The following CIT variants were observed in gnomAD, a reference collection of about 807,000 sequenced individuals.
CIT encodes citron rho-interacting serine/threonine kinase.
In CIT, 79 loss-of-function variants were observed where a neutral mutation model predicts 272.7. The observed-to-expected ratio is 0.29, with a 90% CI of 0.24 to 0.35. The LOEUF (loss-of-function observed/expected upper bound fraction) is 0.35. Among genes scored for constraint, CIT ranks in the 10% least tolerant of loss-of-function variants. The pLI is 1.00. For synonymous variants in CIT, 948 were observed against 995.6 expected, an observed-to-expected ratio of 0.95 and a Z score of 0.90; for missense variants, 1,909 against 2,618.3, an observed-to-expected ratio of 0.73 and a Z score of 5.91.
intron 2 of CIT, among the ~76,000 whole-genome samples, 192 bp downstream of exon 2, chr12:119,875,881 T>A (rs1332418745): frequency 1.3e-5 from 2 of 152,034 alleles, no homozygotes; most frequent in Non-Finnish European, 2.9e-5. Context: ...CCAGCTACTC[T>A]GGAGGCTGAG....
chr12:119,845,092 C>A (rs1440170069), intron 5 of CIT, among the ~76,000 whole-genome samples: 1 of 151,982 alleles, frequency 6.6e-6, no homozygotes, highest in African/African-American at 2.4e-5. Context: ...TGAACTCCAG[C>A]CTTGGCAACA....
intron 22 of CIT, among the ~76,000 whole-genome samples, chr12:119,756,455 C>T (rs1254639942): frequency 2.0e-5 from 3 of 152,150 alleles, no homozygotes; most frequent in African/African-American, 7.2e-5. Context: ...AGGATTCGGT[C>T]TGTGGCTAAT....
chr12:119,725,492 CCTTGGGCACATATG>C (rs1958043991), intron 28 of CIT, among the ~76,000 whole-genome samples: 1 of 152,088 alleles, frequency 6.6e-6, no homozygotes, highest in Non-Finnish European at 1.5e-5. Context: ...TAGGTGGAAG[CCTTGGGCACATATG>C]CTTATACAGC....
Position 119,712,566 on chromosome 12 carries a change from C to T in CIT, c.4684+25G>A, listed in dbSNP as rs772769265. 7 of 1,606,636 alleles carry T rather than the reference C, an allele frequency of 4.4e-6. No individual in the cohort carries two copies. The African/African-American group carries it at 5.3e-5, about 12-fold the overall frequency. ...GGCCAAGCCCGGCCCACCTCCAGGG[C>T]GGGGCTCCTCCGGCTCCTCCTCACC... On this transcript the variant is annotated intron_variant, in intron 36 of 47. Coordinates refer to ENST00000392521, the MANE Select transcript of CIT (RefSeq NM_001206999.2). The surrounding 1 kb of genome is among the most constrained non-coding windows in gnomAD (Gnocchi z 5.2).
At chr12:119,761,290 G>T (rs1223017387) in intron 19 of CIT, among the ~76,000 whole-genome samples, 2 of 152,126 alleles carry the variant, frequency 1.3e-5, no homozygotes, top group African/African-American at 2.4e-5. Context: ...CTTGAACCAA[G>T]AACTTATTTT....
At chr12:119,750,411 T>C (rs1960064129) in intron 23 of CIT, among the ~76,000 whole-genome samples, 1 of 152,242 alleles carries the variant, frequency 6.6e-6, no homozygotes. Context: ...TCTTTCCAAG[T>C]GGTTTTCAGT....
At chr12:119,863,466 T>G (rs145722555) in intron 3 of CIT, among the ~76,000 whole-genome samples, 1 of 152,200 alleles carries the variant, frequency 6.6e-6, no homozygotes, top group East Asian at 1.9e-4. Flanking sequence ...CAAGACAAGT[T>G]TACCTACATA....
chr12:119,853,191 G>T (rs1439822870), intron 4 of CIT, among the ~76,000 whole-genome samples: 1 of 151,262 alleles, frequency 6.6e-6, no homozygotes, highest in Non-Finnish European at 1.5e-5. Context: ...GCTGGGCATG[G>T]TGGAGTGCAC....
intron 7 of CIT, among the ~76,000 whole-genome samples, chr12:119,827,879 T>C (rs1014796935): frequency 3.3e-5 from 5 of 152,262 alleles, no homozygotes; most frequent in Non-Finnish European, 5.9e-5. Context: ...AACTACGCAA[T>C]TGTTGAATAC....
rs1962695522 is a variant in CIT at position 119,768,260 on chromosome 12, T to C, written c.2209-1078A>G. On this transcript the variant is annotated intron_variant, in intron 18 of 47. Transcript: ENST00000392521. The surrounding 1 kb of genome is among the most constrained non-coding windows in gnomAD (Gnocchi z 4.3). The stretch of plus-strand genomic sequence containing the variant: ...CTGTAATTCACTTGAAAATTGCAGT[T>C]CATTTGCCAATGTTTTATAAACTGA... Among the ~76,000 whole-genome samples, 1 of 152,252 alleles carries C rather than the reference T, an allele frequency of 6.6e-6. No individual in the cohort carries two copies. Among genetic ancestry groups the C allele is most frequent in the Admixed American group, 6.5e-5 (1 of 15,286 alleles).
intron 13 of CIT, 180 bp downstream of exon 13, chr12:119,782,338 T>C (rs1467996191): frequency 7.0e-6 from 4 of 574,982 alleles, no homozygotes; most frequent in Non-Finnish European, 1.2e-5. Context: ...TTCTATGATG[T>C]ATATAAATTA....
At chr12:119,805,041 A>G (rs10774514) in intron 9 of CIT, among the ~76,000 whole-genome samples, 89,370 of 151,810 alleles carry the variant, frequency 0.59, 27,543 homozygotes, top group East Asian at 0.84. Context: ...CTCAAATCCA[A>G]TCTGGTTTCA....
chr12:119,710,371 T>C lies in CIT; in HGVS notation c.4951A>G (p.Thr1651Ala), dbSNP rs775417266. ...TTCAGGGCGTAGAGCCCTTCCTCGG[T>C]GCCCACCAACACCACCTGCAAGGGC... Reference protein sequence around the residue: ...PFSDQVVLVGTEEGLYALNVL... With the variant: ...PFSDQVVLVGAEEGLYALNVL... The change falls in exon 39 of 48, where the codon ACC becomes GCC. Residue 1651 changes from threonine (T) to alanine (A), a missense_variant. This residue lies in a region of CIT where 780 missense variants were observed against 1,067.2 expected (regional missense o/e 0.73). Coordinates refer to ENST00000392521, the MANE Select transcript of CIT (RefSeq NM_001206999.2). This position sits in a 1 kb window ranked among gnomAD's most constrained non-coding sequence, Gnocchi z 5.6. The C allele has an allele frequency of 3.1e-6, 5 of 1,614,080 alleles. No homozygotes were observed. The African/African-American group carries it at 6.7e-5, about 22-fold the overall frequency.
intron 24 of CIT, among the ~76,000 whole-genome samples, chr12:119,741,915 G>A (rs1015816263): frequency 6.6e-6 from 1 of 152,144 alleles, no homozygotes; most frequent in African/African-American, 2.4e-5. Flanking sequence ...TTTTGAATTT[G>A]CATGTTGGGA....
intron 3 of CIT, among the ~76,000 whole-genome samples, chr12:119,865,554 T>A (rs935272386): frequency 8.5e-5 from 13 of 152,192 alleles, no homozygotes; most frequent in African/African-American, 3.1e-4. Context: ...ACTCATTCAA[T>A]TCCAACACAG....
Position 119,697,788 on chromosome 12 carries a change from G to C in CIT, c.5753C>G (p.Pro1918Arg), listed in dbSNP as rs755475237. 21 of 1,614,038 alleles carry C rather than the reference G, an allele frequency of 1.3e-5. No individual in the cohort carries two copies. The highest frequency in any genetic ancestry group is 1.7e-5 in the Non-Finnish European group (20 of 1,180,046). ...LDIPNPRYLG[P>R]AISSGAIYLA... ...GTAAATCGCTCCTGAGGAAATGGCA[G>C]GGCCCAGGTAGCGCGGGTTCGGGAT... Residue 1918 changes from proline (P) to arginine (R), a missense_variant, in exon 46 of 48, where the codon CCT becomes CGT. Around this residue, in one of 8 missense-constraint regions of CIT, gnomAD observed 780 missense variants for 1,067.2 expected, o/e 0.73. Coordinates refer to ENST00000392521, the MANE Select transcript of CIT (RefSeq NM_001206999.2). This position sits in a 1 kb window ranked among gnomAD's most constrained non-coding sequence, Gnocchi z 4.9.
chr12:119,810,931 G>C (rs1442509129), intron 9 of CIT, among the ~76,000 whole-genome samples: 1 of 152,138 alleles, frequency 6.6e-6, no homozygotes, highest in Non-Finnish European at 1.5e-5. Flanking sequence ...GATCCCAAGA[G>C]AACAGATTAC....
At chr12:119,743,459 G>A (rs568422388) in intron 23 of CIT, among the ~76,000 whole-genome samples, 1 of 152,292 alleles carries the variant, frequency 6.6e-6, no homozygotes, top group South Asian at 2.1e-4. Context: ...TGAGTGGCTA[G>A]AGCAGAGTTT....
intron 40 of CIT, 73 bp downstream of exon 40, chr12:119,708,106 C>T (rs1413940764): frequency 7.9e-6 from 11 of 1,394,672 alleles, no homozygotes; most frequent in African/African-American, 1.5e-5. Context: ...GTCAAATCAA[C>T]GAGCTCTGTG....
Sources: allele counts gnomAD v4.1 joint callset (sites outside exome capture counted in the v4.1 genomes callset), GRCh38; gene constraint gnomAD v4.1.1; regional missense constraint gnomAD v4.1.1; non-coding constraint Gnocchi (gnomAD v3.1); transcripts MANE v1.5; gene names NCBI Gene and HGNC (gene_info 2026-07-23, HGNC 2026-07-21).